The following PNPLA5 variants were observed in gnomAD, a reference collection of about 807,000 sequenced individuals.
PNPLA5 encodes patatin-like phospholipase domain-containing protein 5.
In PNPLA5, 44 loss-of-function variants were observed where a neutral mutation model predicts 49.1. That is an observed-to-expected ratio of 0.90 (90% confidence interval 0.70 to 1.15). The LOEUF (loss-of-function observed/expected upper bound fraction) is 1.15, where lower values mean the gene tolerates loss of function less well. Among genes scored for constraint, PNPLA5 ranks in the 50% most tolerant of loss-of-function variants. The pLI is 0.00. For missense variants in PNPLA5, 603 were observed against 564.0 expected (o/e 1.07, Z -0.70); for synonymous variants, 243 against 244.4 (o/e 0.99, Z 0.06).
intron 6 of PNPLA5, among the ~76,000 whole-genome samples, chr22:43,885,067 C>T (rs906545961): frequency 1.1e-4 from 17 of 152,246 alleles, no homozygotes; most frequent in African/African-American, 4.1e-4. Flanking sequence ...GGACATTCCT[C>T]CCTGGGCAGG....
rs1603413259 is a variant in PNPLA5, at chr22:43,891,988, G to A, written c.-108C>T. On this transcript the variant is annotated 5_prime_UTR_variant, in exon 1 of 9. Coordinates refer to ENST00000216177, the MANE Select transcript of PNPLA5 (RefSeq NM_138814.4). ...GGGCTGGGCCCAAATGTGGGCTCTGGAGGGAGCCGGGCTGGGGCTGGTGCT... is the reference window on the plus strand; with the variant it reads ...GGGCTGGGCCCAAATGTGGGCTCTGAAGGGAGCCGGGCTGGGGCTGGTGCT... 8.6e-7 allele frequency: 1 copy of A among 1,163,822 alleles called. No individual in the cohort carries two copies. The highest frequency in any genetic ancestry group is 3.0e-5 in the East Asian group (1 of 32,820). 72.1% of individuals were successfully genotyped at this position (1,163,822 alleles called of 1,614,324 possible). A position where few individuals can be genotyped will look rare whatever the true frequency, so the allele number is the denominator to read the frequency against.
intron 6 of PNPLA5, among the ~76,000 whole-genome samples, chr22:43,884,830 G>T (rs773829745): frequency 6.6e-6 from 1 of 152,216 alleles, no homozygotes; most frequent in African/African-American, 2.4e-5. Context: ...CAGAGTGGAA[G>T]GGACCAGCAT....
rs200111581 is a variant in PNPLA5, at chr22:43,891,112, C to A, written c.376G>T (p.Gly126Ter). ...AAGTCAGTGACCAAGAAGTTGCGTC[C>A]GTCAGGCCAGCGGGTCAGCGAAATG... The part of the protein sequence containing the change: ...LGISLTRWPD[G>*]RNFLVTDFAT... The change falls in exon 2 of 9, where the codon GGA becomes TGA. Residue 126 changes from glycine (G) to a stop codon, truncating the protein, a stop_gained. Transcript: ENST00000216177. LOFTEE classifies it high-confidence loss of function. 576 of 1,610,230 alleles carry A rather than the reference C, an allele frequency of 3.6e-4. No homozygotes were observed. The highest frequency in any genetic ancestry group is 4.2e-4 in the Non-Finnish European group (493 of 1,178,230).
chr22:43,884,407 C>G (rs867205502), intron 6 of PNPLA5, 62 bp from the exon 7 acceptor site: 12 of 1,466,236 alleles, frequency 8.2e-6, no homozygotes, highest in African/African-American at 1.4e-5. Context: ...CAACCTGAGC[C>G]CCCCCATTTC....
In PNPLA5 at chr22:43,881,594, A is replaced by G. The variant is rs781712226; in HGVS notation, c.1163T>C (p.Phe388Ser). Residue 388 changes from phenylalanine to serine, a missense_variant, in exon 8 of 9, where the codon TTC becomes TCC. Physicochemically the swap from Phe to Ser is radical, Grantham distance 155. Transcript: ENST00000216177. ...AAGGAGCTGGGCCTTGGTCCTGGAGAAAACCTCGAGGGCCATGTTCCTCAG... is the reference window on the plus strand; with the variant it reads ...AAGGAGCTGGGCCTTGGTCCTGGAGGAAACCTCGAGGGCCATGTTCCTCAG... ...GLLRNMALEV[F>S]SRTKAQLLGP... is the part of the protein sequence containing the mutation. 1.2e-6 allele frequency: 2 copies of G among 1,610,540 alleles called. No individual in the cohort carries two copies. The highest frequency in any genetic ancestry group is 1.7e-6 in the Non-Finnish European group (2 of 1,178,460).
At chr22:43,887,478 T>C in intron 5 of PNPLA5, 113 bp downstream of exon 5, 1 of 1,258,272 alleles carries the variant, frequency 7.9e-7, no homozygotes, top group Non-Finnish European at 1.1e-6. Flanking sequence ...GAGCAGATGA[T>C]GAGGAAGAGA....
At chr22:43,881,113 G>T (rs921145366) in intron 8 of PNPLA5, 2 of 571,514 alleles carry the variant, frequency 3.5e-6, no homozygotes, top group African/African-American at 4.1e-5. Context: ...ACAGATAACT[G>T]TCGAGTGGGT....
At chr22:43,882,725 G>A (rs1012092111) in intron 7 of PNPLA5, among the ~76,000 whole-genome samples, 1 of 152,210 alleles carries the variant, frequency 6.6e-6, no homozygotes, top group Non-Finnish European at 1.5e-5. Context: ...ACAGCTCAGC[G>A]TGAGGAGAAT....
At position 43,883,889 on chromosome 22, in the gene PNPLA5, C is replaced by G. The variant is rs539771570; in HGVS notation, c.1082+324G>C. Among the ~76,000 whole-genome samples the G allele has an allele frequency of 1.6e-4, 25 of 152,082 alleles. No homozygotes were observed. The East Asian group carries it at 4.4e-3, about 27-fold the overall frequency. On this transcript the variant is annotated intron_variant, in intron 7 of 8. Transcript: ENST00000216177. ...CCCAGAGAGGTCAAGAGACTCAGAC[C>G]CAGCCACACAGCCAACCTGAGATTC...
chr22:43,881,065 G>C lies in PNPLA5; in HGVS notation c.1200-180C>G, dbSNP rs77391434. 4,058 of 887,570 alleles carry C rather than the reference G, an allele frequency of 4.6e-3. 12 individuals are homozygous for C. The highest frequency in any genetic ancestry group is 5.3e-3 in the Non-Finnish European group (3,894 of 740,562). 55.0% of individuals were successfully genotyped at this position (887,570 alleles called of 1,614,324 possible). A position where few individuals can be genotyped will look rare whatever the true frequency, so the allele number is the denominator to read the frequency against. On this transcript the variant is annotated intron_variant, in intron 8 of 8. Transcript: ENST00000216177. The stretch of plus-strand genomic sequence containing the variant: ...GGAAGTGTCAGGGAGGTCCTGGGAT[G>C]GCCACTCCCCAGAGAACTGCACTGA...
rs377320017 is a variant in PNPLA5 at position 43,880,474 on chromosome 22, G to T, written c.*321C>A. 1.9e-4 allele frequency: 74 copies of T among 398,820 alleles called. 2 individuals carry two copies. The South Asian group carries it at 8.9e-3, about 48-fold the overall frequency. The allele number at this position is 398,820 out of a possible 1,614,324, so 24.7% of individuals were successfully genotyped here. ...TGAGGTGCTCCGTGGGCAGCTCCAC[G>T]GCAGAACAGGAGCCCCTCTCCCCAG... On this transcript the variant is annotated 3_prime_UTR_variant, in exon 9 of 9. Coordinates refer to ENST00000216177, the MANE Select transcript of PNPLA5 (RefSeq NM_138814.4).
rs768152210 is a variant in PNPLA5, at chr22:43,889,518, C to T, written c.513G>A (p.Leu171=). ...FRGERYIDGA[L]SNNLPFADCP... is the part of the protein sequence containing the mutation. ...AGTCTGCAAAGGGCAAGTTGTTGCT[C>T]AGAGCCCCATCGATGTAGCGCTGCA... Residue 171 remains leucine (L), a synonymous_variant, in exon 4 of 9, where the codon CTG becomes CTA. Transcript: ENST00000216177. The T allele has an allele frequency of 3.7e-6, 6 of 1,611,722 alleles. No homozygotes were observed. The African/African-American group carries it at 8.0e-5, about 22-fold the overall frequency.
intron 2 of PNPLA5, 104 bp downstream of exon 2, chr22:43,890,958 C>T: frequency 2.1e-6 from 3 of 1,431,036 alleles, no homozygotes; most frequent in Non-Finnish European, 2.8e-6. Flanking sequence ...GCCCTCCCTC[C>T]TTCCGCCCCT....
rs1260513269 is a variant in PNPLA5 at position 43,880,071 on chromosome 22, G to A, written c.*724C>T. 2.4e-5 allele frequency: 5 copies of A among 204,448 alleles called. No homozygotes were observed. Among genetic ancestry groups the A allele is most frequent in the East Asian group, 1.1e-4 (1 of 9,324 alleles). 12.7% of individuals were successfully genotyped at this position (204,448 alleles called of 1,614,324 possible). A position where few individuals can be genotyped will look rare whatever the true frequency, so the allele number is the denominator to read the frequency against. On this transcript the variant is annotated 3_prime_UTR_variant, in exon 9 of 9. Transcript: ENST00000216177. ...CTGCCAATGGGGAGAGCAGTGACTC[G>A]TGGAGAGGCCAGAGGCCTGGTGTCC...
chr22:43,887,474 A>G, intron 5 of PNPLA5, 117 bp downstream of exon 5: 1 of 1,227,832 alleles, frequency 8.1e-7, no homozygotes, highest in East Asian at 2.5e-5. Flanking sequence ...CACAGAGCAG[A>G]TGATGAGGAA....
intron 6 of PNPLA5, among the ~76,000 whole-genome samples, chr22:43,885,120 T>G (rs1026823061): frequency 5.9e-5 from 9 of 152,206 alleles, no homozygotes; most frequent in Admixed American, 1.3e-4. Context: ...CCTTCCCAAA[T>G]GGCGAGGGCG....
rs574271578 is a variant in PNPLA5 at position 43,890,328 on chromosome 22, C to T, written c.427-464G>A. On this transcript the variant is annotated intron_variant, in intron 2 of 8. Coordinates refer to ENST00000216177, the MANE Select transcript of PNPLA5 (RefSeq NM_138814.4). ...AGAGTTGGGACGTTTCCAAGGGTTC[C>T]ATGAGACAAAGTCCTATATTCAAAA... Among the ~76,000 whole-genome samples the T allele has an allele frequency of 4.6e-5, 7 of 152,318 alleles. No individual in the cohort carries two copies. The South Asian group carries it at 1.5e-3, about 32-fold the overall frequency.
intron 6 of PNPLA5, 101 bp from the exon 7 acceptor site, chr22:43,884,446 C>T: frequency 7.2e-7 from 1 of 1,397,332 alleles, no homozygotes; most frequent in Admixed American, 3.0e-5. Context: ...CCCCCTCCAC[C>T]TTCTGCAGAT....
chr22:43,882,462 C>G (rs558238698), intron 7 of PNPLA5, among the ~76,000 whole-genome samples: 3 of 152,380 alleles, frequency 2.0e-5, no homozygotes, highest in African/African-American at 4.8e-5. Context: ...AGACCTCAAA[C>G]TAGGCATGCA....
Sources: allele counts gnomAD v4.1 joint callset (sites outside exome capture counted in the v4.1 genomes callset), GRCh38; gene constraint gnomAD v4.1.1; transcripts MANE v1.5; gene names NCBI Gene and HGNC (gene_info 2026-07-23, HGNC 2026-07-21).